Variants in MCTP1 observed in about 807,000 individuals in gnomAD.
The protein encoded by MCTP1 is multiple C2 and transmembrane domain-containing protein 1.
MCTP1 carries 69 observed loss-of-function variants against 120.6 expected under a neutral mutation model. The ratio of observed to expected loss-of-function variants is 0.57; its 90% confidence interval spans 0.47 to 0.70. The LOEUF (loss-of-function observed/expected upper bound fraction) is 0.70. Ranked by LOEUF, MCTP1 falls within the 30% of genes least tolerant of loss-of-function variation. The pLI, the probability that MCTP1 is intolerant of heterozygous loss-of-function variation, is 0.00. For synonymous variants in MCTP1, 529 were observed against 493.1 expected (o/e 1.07, Z -0.96); for missense variants, 1,203 against 1,248.8 (o/e 0.96, Z 0.55).
intron 12 of MCTP1, among the ~76,000 whole-genome samples, chr5:94,881,170 G>A (rs1341565720): frequency 6.6e-6 from 1 of 152,142 alleles, no homozygotes; most frequent in Non-Finnish European, 1.5e-5. Flanking sequence ...GTGAGAGCAC[G>A]TGGAGTTAAT....
chr5:94,708,530 G>A lies in MCTP1; in HGVS notation c.2910C>T (p.Val970=). Residue 970 remains valine, a synonymous_variant, in exon 22 of 23, where the codon GTC becomes GTT. Coordinates refer to ENST00000515393, the MANE Select transcript of MCTP1 (RefSeq NM_024717.7). ...TACATACCACTTGTACATCTGAAGGGACTCTGGAAAGGAAGTCAAGTAGTT... is the reference window on the plus strand; with the variant it reads ...TACATACCACTTGTACATCTGAAGGAACTCTGGAAAGGAAGTCAAGTAGTT... ...NNELLDFLSR[V]PSDVQVVQYQ... The A allele has an allele frequency of 2.5e-6, 4 of 1,605,000 alleles. No individual in the cohort carries two copies. The highest frequency in any genetic ancestry group is 3.4e-6 in the Non-Finnish European group (4 of 1,172,456).
chr5:94,994,831 G>C (rs548480394), intron 2 of MCTP1, among the ~76,000 whole-genome samples: 1 of 152,262 alleles, frequency 6.6e-6, no homozygotes, highest in African/African-American at 2.4e-5. Flanking sequence ...TGGAAGGACT[G>C]GTCTGGGTAA....
chr5:94,752,717 A>G (rs1768797804), intron 19 of MCTP1, among the ~76,000 whole-genome samples: 1 of 152,268 alleles, frequency 6.6e-6, no homozygotes, highest in Non-Finnish European at 1.5e-5. Flanking sequence ...CATAAAAAGC[A>G]CAAACACAAA....
intron 1 of MCTP1, among the ~76,000 whole-genome samples, chr5:95,162,176 C>T (rs942789849): frequency 1.3e-5 from 2 of 152,136 alleles, no homozygotes; most frequent in African/African-American, 2.4e-5. Flanking sequence ...TAGATGGAGA[C>T]AAACCCATAA....
intron 1 of MCTP1, among the ~76,000 whole-genome samples, chr5:95,277,653 A>G (rs1364456797): frequency 2.6e-5 from 4 of 152,178 alleles, no homozygotes; most frequent in Non-Finnish European, 5.9e-5. Context: ...TGGCGAGGCA[A>G]GTGAAGGTGG....
chr5:94,871,118 G>GATCAAGTCT, intron 14 of MCTP1, 145 bp from the exon 15 acceptor site: 1 of 726,682 alleles, frequency 1.4e-6, no homozygotes, highest in Non-Finnish European at 2.4e-6. Flanking sequence ...TCATTACCAG[G>GATCAAGTCT]ATCAAGTCTG....
intron 1 of MCTP1, among the ~76,000 whole-genome samples, chr5:95,107,116 G>T (rs1480838718): frequency 6.6e-6 from 1 of 152,152 alleles, no homozygotes; most frequent in Non-Finnish European, 1.5e-5. Context: ...AATGAATCCA[G>T]AGACAGCATG....
chr5:95,068,795 T>C, intron 1 of MCTP1: 2 of 1,279,170 alleles, frequency 1.6e-6, no homozygotes, highest in Non-Finnish European at 2.0e-6. Context: ...GTTTACTGCA[T>C]TTAGTCTGTC....
At chr5:94,747,429 T>A (rs919203476) in intron 19 of MCTP1, among the ~76,000 whole-genome samples, 2 of 151,342 alleles carry the variant, frequency 1.3e-5, no homozygotes, top group Non-Finnish European at 1.5e-5. Context: ...TCAGAAGTAA[T>A]TTTTTTTTCT....
rs573718755 is a variant in MCTP1 at position 94,905,009 on chromosome 5, T to C, written c.1652+4242A>G. Reference sequence around the variant, plus strand: ...TTTAATGGAGAAAAACAGAGCAGAATAGAGGAATGGAATGCCAAGAAAAGC... The same window carrying C: ...TTTAATGGAGAAAAACAGAGCAGAACAGAGGAATGGAATGCCAAGAAAAGC... On this transcript the variant is annotated intron_variant, in intron 10 of 22. Transcript: ENST00000515393. Among the ~76,000 whole-genome samples the C allele has an allele frequency of 2.0e-5, 3 of 152,234 alleles. No individual in the cohort carries two copies. In the East Asian group the frequency reaches 5.8e-4, roughly 29 times the overall value.
chr5:95,265,889 T>A (rs535601714), intron 1 of MCTP1, among the ~76,000 whole-genome samples: 1 of 152,244 alleles, frequency 6.6e-6, no homozygotes, highest in South Asian at 2.1e-4. Context: ...AGGAGGATAA[T>A]CAGAGAGAGC....
intron 17 of MCTP1, among the ~76,000 whole-genome samples, chr5:94,855,148 T>G (rs1389138128): frequency 6.6e-6 from 1 of 151,904 alleles, no homozygotes; most frequent in East Asian, 1.9e-4. Flanking sequence ...GGAAATATAA[T>G]GGTTACATAG....
intron 17 of MCTP1, among the ~76,000 whole-genome samples, chr5:94,803,707 T>C (rs1286037695): frequency 1.3e-5 from 2 of 152,178 alleles, no homozygotes; most frequent in Non-Finnish European, 2.9e-5. Context: ...CTAATGATTG[T>C]TTCAAGTATA....
chr5:95,040,939 T>C (rs1000600268), intron 1 of MCTP1, among the ~76,000 whole-genome samples: 7 of 152,136 alleles, frequency 4.6e-5, no homozygotes, highest in African/African-American at 7.2e-5. Context: ...TTTAGAAGGC[T>C]AATAATAGTG....
chr5:95,248,476 C>A (rs1204068685), intron 1 of MCTP1, among the ~76,000 whole-genome samples: 2 of 152,122 alleles, frequency 1.3e-5, no homozygotes, highest in African/African-American at 2.4e-5. Context: ...TGTGAAGGAT[C>A]TCTTTAAGGA....
At chr5:95,281,749 T>C (rs570205798) in intron 1 of MCTP1, among the ~76,000 whole-genome samples, 4 of 152,362 alleles carry the variant, frequency 2.6e-5, no homozygotes, top group South Asian at 4.1e-4. Context: ...TGACAAAATA[T>C]ACATGCAACA....
chr5:94,866,399 A>G (rs1465276604), intron 17 of MCTP1, among the ~76,000 whole-genome samples: 2 of 151,794 alleles, frequency 1.3e-5, no homozygotes, highest in Non-Finnish European at 2.9e-5. Context: ...TGTGATTCAG[A>G]GCTTCTTTTT....
chr5:95,138,700 C>T (rs1225182035), intron 1 of MCTP1, among the ~76,000 whole-genome samples: 1 of 152,136 alleles, frequency 6.6e-6, no homozygotes, highest in East Asian at 1.9e-4. Context: ...CCTCACTCCA[C>T]CGGCTGCTCC....
chr5:94,903,237 T>C (rs1805979330), intron 10 of MCTP1, among the ~76,000 whole-genome samples: 1 of 152,216 alleles, frequency 6.6e-6, no homozygotes, highest in Non-Finnish European at 1.5e-5. Flanking sequence ...TTCAGATTAA[T>C]AATGCAGTAG....
Sources: gnomAD v4.1 joint callset for allele counts (sites outside exome capture counted in the v4.1 genomes callset) on GRCh38, gnomAD v4.1.1 for gene constraint, MANE v1.5 for transcripts, NCBI Gene and HGNC (gene_info 2026-07-23, HGNC 2026-07-21) for gene names.